Variants in ZMAT4 observed in about 807,000 individuals in gnomAD.
ZMAT4 encodes zinc finger matrin-type protein 4.
ZMAT4 carries 17 observed loss-of-function variants against 28.7 expected under a neutral mutation model. The ratio of observed to expected loss-of-function variants is 0.59; its 90% CI spans 0.41 to 0.89. The LOEUF (loss-of-function observed/expected upper bound fraction) is 0.89. Ranked by LOEUF, ZMAT4 falls within the 40% of genes least tolerant of loss-of-function variation. The probability of loss-of-function intolerance (pLI) is 0.00; values close to 1 mark genes in which losing one functional copy is unlikely to be tolerated. For synonymous variants in ZMAT4, 117 were observed against 109.2 expected (o/e 1.07, Z -0.44); for missense variants, 240 against 283.8 (o/e 0.85, Z 1.11).
intron 5 of ZMAT4, among the ~76,000 whole-genome samples, chr8:40,643,282 C>A (rs947402774): frequency 3.9e-5 from 6 of 152,106 alleles, no homozygotes; most frequent in African/African-American, 1.4e-4. Context: ...TATGAGTAAC[C>A]ACAGATGATC....
intron 5 of ZMAT4, among the ~76,000 whole-genome samples, chr8:40,673,001 T>C (rs1314441604): frequency 6.6e-6 from 1 of 152,208 alleles, no homozygotes; most frequent in Non-Finnish European, 1.5e-5. Context: ...TTTGCTCTTT[T>C]TTTGTTGTTT....
At chr8:40,559,134 A>C (rs1803647013) in intron 6 of ZMAT4, among the ~76,000 whole-genome samples, 1 of 152,152 alleles carries the variant, frequency 6.6e-6, no homozygotes, top group Non-Finnish European at 1.5e-5. Context: ...ACACTGACTA[A>C]CTGAGTCCTC....
intron 2 of ZMAT4, among the ~76,000 whole-genome samples, chr8:40,798,295 C>T (rs1272334970): frequency 1.3e-5 from 2 of 152,224 alleles, no homozygotes; most frequent in Non-Finnish European, 2.9e-5. Context: ...TCTTCCTCCT[C>T]CCCTGGCAAA....
chr8:40,557,888 T>C (rs894698969), intron 6 of ZMAT4, among the ~76,000 whole-genome samples: 5 of 152,070 alleles, frequency 3.3e-5, no homozygotes, highest in African/African-American at 9.7e-5. Context: ...GATTGATAGA[T>C]TGATATGATA....
chr8:40,588,420 A>G (rs565179617), intron 5 of ZMAT4, among the ~76,000 whole-genome samples: 2 of 152,204 alleles, frequency 1.3e-5, no homozygotes, highest in East Asian at 3.9e-4. Flanking sequence ...AACTCCTACA[A>G]CTCAATAATA....
chr8:40,772,834 T>G (rs575263733), intron 2 of ZMAT4, among the ~76,000 whole-genome samples: 1 of 152,150 alleles, frequency 6.6e-6, no homozygotes, highest in South Asian at 2.1e-4. Flanking sequence ...TGCCACCACA[T>G]TTGAGGTCAT....
chr8:40,790,387 T>C (rs55854815), intron 2 of ZMAT4, among the ~76,000 whole-genome samples: 33,842 of 152,030 alleles, frequency 0.22, 5,003 homozygotes, highest in Middle Eastern at 0.34. Context: ...ACCAATTGCA[T>C]TGCTACATAC....
intron 3 of ZMAT4, among the ~76,000 whole-genome samples, chr8:40,730,750 G>A (rs867481043): frequency 3.3e-5 from 5 of 152,254 alleles, no homozygotes; most frequent in Middle Eastern, 3.4e-3. Flanking sequence ...GCCCAAGAAA[G>A]GATTCTGGGA....
intron 6 of ZMAT4, among the ~76,000 whole-genome samples, chr8:40,563,158 CTCAT>C (rs1488837791): frequency 6.6e-6 from 1 of 152,176 alleles, no homozygotes; most frequent in Non-Finnish European, 1.5e-5. Context: ...GCCCCTCAAA[CTCAT>C]TCCACCTCAA....
rs138302200 is a variant in ZMAT4, at chr8:40,880,174, C to T, written c.-5+17509G>A. 6.0e-3 allele frequency among the ~76,000 whole-genome samples: 911 copies of T among 152,266 alleles called. 4 individuals carry two copies. Among genetic ancestry groups the T allele is most frequent in the Middle Eastern group, 0.02 (6 of 294 alleles). ...CCTGAGGTCAGGAGTTCAAGACCAG[C>T]CTGGCCCACATGGTGAAACCCCATT... On this transcript the variant is annotated intron_variant, in intron 1 of 6. Coordinates refer to ENST00000297737, the MANE Select transcript of ZMAT4 (RefSeq NM_024645.3).
In ZMAT4 at chr8:40,756,441, TATATATATATATATATAC is replaced by T. The variant is rs1416014151; in HGVS notation, c.192+11182_192+11199del. Among the ~76,000 whole-genome samples, 14 of 124,382 alleles carry T rather than the reference TATATATATATATATATAC, an allele frequency of 1.1e-4. 1 individual carries two copies. The highest frequency in any genetic ancestry group is 5.8e-4 in the South Asian group (2 of 3,458). The allele number at this position is 124,382 out of a possible 152,430, so 81.6% of individuals were successfully genotyped here. The stretch of plus-strand genomic sequence containing the variant: ...AAATGTTCTTTTATATATATATATA[TATATATATATATATATAC>T]ACACTTGTATACCTGAAAAAGAGAT... On this transcript the variant is annotated intron_variant, in intron 3 of 6. Coordinates refer to ENST00000297737, the MANE Select transcript of ZMAT4 (RefSeq NM_024645.3).
chr8:40,688,953 T>G (rs1038747967), intron 4 of ZMAT4, among the ~76,000 whole-genome samples: 2 of 152,178 alleles, frequency 1.3e-5, no homozygotes, highest in South Asian at 4.1e-4. Flanking sequence ...GGGATCTGAA[T>G]GTCAAAGAGG....
At chr8:40,760,761 G>C (rs976879910) in intron 3 of ZMAT4, among the ~76,000 whole-genome samples, 1 of 139,812 alleles carries the variant, frequency 7.2e-6, no homozygotes, top group East Asian at 2.1e-4. Context: ...TCTCTGTCGC[G>C]GTCTCTCTCT....
intron 2 of ZMAT4, among the ~76,000 whole-genome samples, chr8:40,781,208 A>G (rs1813810536): frequency 6.6e-6 from 1 of 152,212 alleles, no homozygotes; most frequent in Admixed American, 6.5e-5. Context: ...ACAAAAACCA[A>G]TTGCATTTCT....
At chr8:40,671,665 G>A (rs1282007013) in intron 5 of ZMAT4, among the ~76,000 whole-genome samples, 2 of 152,128 alleles carry the variant, frequency 1.3e-5, no homozygotes. Context: ...TGGAATGGAG[G>A]GTTGGAGTTG....
intron 3 of ZMAT4, among the ~76,000 whole-genome samples, chr8:40,733,256 A>G (rs1811621414): frequency 6.6e-6 from 1 of 152,154 alleles, no homozygotes; most frequent in Non-Finnish European, 1.5e-5. Flanking sequence ...AGTGACTAGA[A>G]CAGACCCATT....
At chr8:40,875,904 T>A (rs1194220807) in intron 1 of ZMAT4, among the ~76,000 whole-genome samples, 2 of 151,838 alleles carry the variant, frequency 1.3e-5, no homozygotes, top group African/African-American at 4.8e-5. Flanking sequence ...GGCCAACAAG[T>A]GATGTGGGAA....
At chr8:40,819,713 A>T (rs1282574356) in intron 2 of ZMAT4, among the ~76,000 whole-genome samples, 5 of 152,034 alleles carry the variant, frequency 3.3e-5, no homozygotes, top group Non-Finnish European at 7.4e-5. Context: ...AGGGACAAGC[A>T]ACTGGGCTGG....
chr8:40,606,039 C>G (rs553793717), intron 5 of ZMAT4, among the ~76,000 whole-genome samples: 1 of 152,192 alleles, frequency 6.6e-6, no homozygotes, highest in African/African-American at 2.4e-5. Flanking sequence ...TTTTTCCACC[C>G]CTTTACCTTC....
Sources: gnomAD v4.1 joint callset for allele counts (sites outside exome capture counted in the v4.1 genomes callset) on GRCh38, gnomAD v4.1.1 for gene constraint, MANE v1.5 for transcripts, NCBI Gene and HGNC (gene_info 2026-07-23, HGNC 2026-07-21) for gene names.